The following KATNAL2 variants were observed in gnomAD, a reference collection of about 807,000 sequenced individuals.
KATNAL2 encodes katanin p60 ATPase-containing subunit A-like 2.
Under a neutral mutation model 76.3 loss-of-function variants are expected in KATNAL2, and 52 were observed. That is an observed-to-expected ratio of 0.68 (90% confidence interval 0.55 to 0.86). The LOEUF (loss-of-function observed/expected upper bound fraction) is 0.86, where lower values mean the gene tolerates loss of function less well. Among genes scored for constraint, KATNAL2 ranks in the 40% least tolerant of loss-of-function variants. The pLI is 0.00. For synonymous variants in KATNAL2, 243 were observed against 244.2 expected (o/e 1.00, Z 0.05); for missense variants, 660 against 668.9 (o/e 0.99, Z 0.15).
chr18:46,951,934 C>T (rs536367522), intron 3 of KATNAL2, among the ~76,000 whole-genome samples: 6 of 152,114 alleles, frequency 3.9e-5, no homozygotes, highest in East Asian at 3.9e-4. Flanking sequence ...CCACCATGCC[C>T]GGCTAACTTT....
At chr18:47,076,844 T>C (rs1344703043) in intron 14 of KATNAL2, among the ~76,000 whole-genome samples, 2 of 149,990 alleles carry the variant, frequency 1.3e-5, no homozygotes, top group Non-Finnish European at 3.0e-5. Context: ...GAGACGGTCT[T>C]CTCTCTTAGG....
chr18:47,072,634 T>C (rs1264552608), intron 13 of KATNAL2, among the ~76,000 whole-genome samples: 1 of 152,158 alleles, frequency 6.6e-6, no homozygotes, highest in African/African-American at 2.4e-5. Flanking sequence ...AAATCAGGTT[T>C]CACCATGTTG....
At chr18:47,058,505 A>T (rs1304207554) in intron 7 of KATNAL2, among the ~76,000 whole-genome samples, 153 bp downstream of exon 7, 1 of 152,200 alleles carries the variant, frequency 6.6e-6, no homozygotes, top group Non-Finnish European at 1.5e-5. Context: ...AGTACACTGG[A>T]CTAAAACCAT....
intron 1 of KATNAL2, among the ~76,000 whole-genome samples, chr18:46,938,255 A>C (rs997712044): frequency 1.3e-5 from 2 of 152,216 alleles, no homozygotes; most frequent in African/African-American, 4.8e-5. Flanking sequence ...CATAAATGCT[A>C]TATATTCATG....
intron 3 of KATNAL2, among the ~76,000 whole-genome samples, chr18:46,957,875 T>A (rs2059812318): frequency 6.6e-6 from 1 of 152,080 alleles, no homozygotes; most frequent in Non-Finnish European, 1.5e-5. Context: ...TTATTGTATT[T>A]TTAGTAGAGA....
intron 1 of KATNAL2, among the ~76,000 whole-genome samples, chr18:46,934,418 A>C (rs1208746902): frequency 1.2e-4 from 19 of 152,104 alleles, no homozygotes; most frequent in Admixed American, 1.2e-3. Context: ...GCATTTTTTC[A>C]CGTGTCTTTT....
chr18:47,098,896 T>G, intron 15 of KATNAL2: 1 of 198,436 alleles, frequency 5.0e-6, no homozygotes. Context: ...GATTGCTGGT[T>G]GTTAGTTGGT....
intron 3 of KATNAL2, among the ~76,000 whole-genome samples, chr18:47,031,874 A>C (rs571383296): frequency 5.9e-5 from 9 of 152,198 alleles, no homozygotes; most frequent in Non-Finnish European, 7.4e-5. Flanking sequence ...CTTTGTCTCC[A>C]TCCTGGCTTT....
At chr18:47,082,321 CCCAGCAGTTGTGACAA>C (rs2062564576) in intron 15 of KATNAL2, among the ~76,000 whole-genome samples, 1 of 152,108 alleles carries the variant, frequency 6.6e-6, no homozygotes. Context: ...GCACCTCCTC[CCCAGCAGTTGTGACAA>C]CCAAAATATG....
intron 1 of KATNAL2, among the ~76,000 whole-genome samples, chr18:46,932,927 T>G (rs2058977026): frequency 6.6e-6 from 1 of 151,808 alleles, no homozygotes; most frequent in South Asian, 2.1e-4. Flanking sequence ...CATGCCCCAC[T>G]AATTTTTGTA....
intron 15 of KATNAL2, among the ~76,000 whole-genome samples, chr18:47,096,453 T>C (rs575974864): frequency 6.6e-6 from 1 of 152,304 alleles, no homozygotes; most frequent in Non-Finnish European, 1.5e-5. Flanking sequence ...GTGACTCTCC[T>C]ACCTCAGCCT....
intron 12 of KATNAL2, 27 bp from the exon 13 acceptor site, chr18:47,069,455 G>T (rs114361580): frequency 6.4e-7 from 1 of 1,551,232 alleles, no homozygotes; most frequent in Admixed American, 1.8e-5. Flanking sequence ...TGAAATGCCT[G>T]CTCATCTTTT....
At chr18:47,067,662 T>C (rs1463412982) in intron 11 of KATNAL2, among the ~76,000 whole-genome samples, 2 of 152,118 alleles carry the variant, frequency 1.3e-5, no homozygotes, top group South Asian at 2.1e-4. Flanking sequence ...GGTAGAAAAA[T>C]AGAAAAACAA....
chr18:46,952,022 C>T (rs1164802594), intron 3 of KATNAL2, among the ~76,000 whole-genome samples: 1 of 151,972 alleles, frequency 6.6e-6, no homozygotes, highest in Non-Finnish European at 1.5e-5. Context: ...CTCCACCTGC[C>T]TTGACCTCCC....
chr18:46,946,827 A>G, intron 2 of KATNAL2, 27 bp from the exon 3 acceptor site: 1 of 1,527,040 alleles, frequency 6.5e-7, no homozygotes, highest in South Asian at 1.2e-5. Flanking sequence ...TCAGCCCAGT[A>G]ACTGACTACT....
At chr18:47,080,824 G>A (rs554881924) in intron 15 of KATNAL2, among the ~76,000 whole-genome samples, 3 of 152,202 alleles carry the variant, frequency 2.0e-5, no homozygotes, top group Admixed American at 6.5e-5. Context: ...GGCCAATTGC[G>A]TATCTTCTTG....
At chr18:47,084,329 T>C (rs1326471886) in intron 15 of KATNAL2, 3 of 702,820 alleles carry the variant, frequency 4.3e-6, no homozygotes, top group African/African-American at 1.7e-5. Flanking sequence ...GTTCTTTCCA[T>C]AGTAACCACA....
At chr18:47,076,886 C>A (rs989049546) in intron 14 of KATNAL2, among the ~76,000 whole-genome samples, 7 of 150,820 alleles carry the variant, frequency 4.6e-5, no homozygotes, top group African/African-American at 1.7e-4. Context: ...GGGCATAGAT[C>A]CTAAAAAAAC....
At chr18:47,079,989 G>A (rs1212804792) in intron 15 of KATNAL2, among the ~76,000 whole-genome samples, 1 of 152,142 alleles carries the variant, frequency 6.6e-6, no homozygotes, top group Non-Finnish European at 1.5e-5. Flanking sequence ...CCCATCAATG[G>A]TGTGAGCATC....
Sources: allele counts gnomAD v4.1 joint callset (sites outside exome capture counted in the v4.1 genomes callset), GRCh38; gene constraint gnomAD v4.1.1; transcripts MANE v1.5; gene names NCBI Gene and HGNC (gene_info 2026-07-23, HGNC 2026-07-21).